Variants in MCF2L observed in about 807,000 individuals in gnomAD.
The protein encoded by MCF2L is guanine nucleotide exchange factor DBS.
A neutral mutation model predicts 153.4 loss-of-function variants in MCF2L; 97 were observed. The ratio of observed to expected loss-of-function variants is 0.63; its 90% confidence interval spans 0.54 to 0.75. MCF2L has a LOEUF of 0.75. Among genes scored for constraint, MCF2L ranks in the 30% least tolerant of loss-of-function variants. MCF2L has a pLI of 0.00. For missense variants in MCF2L, 1,347 were observed against 1,495.2 expected (o/e 0.90, Z 1.64); for synonymous variants, 659 against 632.2 (o/e 1.04, Z -0.64).
chr13:113,074,959 A>C lies in MCF2L; in HGVS notation c.1117-39A>C. ...GCAAGGCACTGTGTGCCTCGAACAG[A>C]AAGAGGCCTGAGCTGGTCCTCTGGG... is the stretch of plus-strand genomic sequence containing the variant. On this transcript the variant is annotated intron_variant, in intron 10 of 29. Transcript: ENST00000535094. The surrounding 1 kb of genome is among the most constrained non-coding windows in gnomAD (Gnocchi z 4.2). The C allele has an allele frequency of 6.4e-7, 1 of 1,552,334 alleles. No individual in the cohort carries two copies. Among genetic ancestry groups the C allele is most frequent in the South Asian group, 1.2e-5 (1 of 85,624 alleles).
intron 3 of MCF2L, chr13:113,026,810 G>C (rs1045001070): frequency 4.8e-6 from 3 of 625,176 alleles, no homozygotes; most frequent in African/African-American, 3.7e-5. Context: ...TTTTGTTCCA[G>C]ACAGAGCTGG....
intron 1 of MCF2L, among the ~76,000 whole-genome samples, chr13:112,996,697 C>T (rs2083149265): frequency 6.6e-6 from 1 of 152,234 alleles, no homozygotes; most frequent in African/African-American, 2.4e-5. Context: ...GACTGTCGTC[C>T]TCAGATGGGT....
In MCF2L at chr13:113,032,413, A is replaced by G. The variant is rs534505964; in HGVS notation, c.278+7655A>G. On this transcript the variant is annotated intron_variant, in intron 3 of 29. Coordinates refer to ENST00000535094, the MANE Select transcript of MCF2L (RefSeq NM_001112732.3). ...CTCCTGCTTCCCTCCCCCACAGCTA[A>G]CTGTGGAGCTGCACTGGGGTGACAC... is the stretch of plus-strand genomic sequence containing the variant. Among the ~76,000 whole-genome samples the G allele has an allele frequency of 6.3e-4, 96 of 152,330 alleles. 1 individual carries two copies. Among genetic ancestry groups the G allele is most frequent in the Non-Finnish European group, 1.2e-3 (81 of 68,036 alleles).
intron 11 of MCF2L, 129 bp from the exon 12 acceptor site, chr13:113,075,837 G>A: frequency 1.5e-6 from 1 of 686,272 alleles, no homozygotes; most frequent in East Asian, 2.8e-5. Context: ...TTTGGACAGG[G>A]TGGCGGGAGC....
intron 26 of MCF2L, chr13:113,090,432 T>TGG: frequency 1.9e-6 from 1 of 533,198 alleles, no homozygotes; most frequent in Non-Finnish European, 2.4e-6. Context: ...CTCCTTCCTC[T>TGG]CCCTGCCCCC....
chr13:113,011,921 C>CGGTGGACAGGCGGTGTGGAT lies in MCF2L; in HGVS notation c.80-2822_80-2803dup, dbSNP rs1460001547. 1.1e-3 allele frequency among the ~76,000 whole-genome samples: 104 copies of CGGTGGACAGGCGGTGTGGAT among 91,888 alleles called. 6 individuals carry two copies. The highest frequency in any genetic ancestry group is 4.0e-3 in the African/African-American group (96 of 24,082). 60.3% of individuals were successfully genotyped at this position (91,888 alleles called of 152,430 possible). Reference sequence around the variant, plus strand: ...TGGACGGTGGACACTGTGATGCGGACGGTGGACAGGCGGTGTGGATGGTGG... The same window carrying CGGTGGACAGGCGGTGTGGAT: ...TGGACGGTGGACACTGTGATGCGGACGGTGGACAGGCGGTGTGGATGGTGGACAGGCGGTGTGGATGGTGG... On this transcript the variant is annotated intron_variant, in intron 1 of 29. Transcript: ENST00000535094.
At chr13:112,953,576 A>G (rs1433542209) in intron 2 of MCF2L, among the ~76,000 whole-genome samples, 2 of 152,260 alleles carry the variant, frequency 1.3e-5, no homozygotes, top group African/African-American at 4.8e-5. Flanking sequence ...AGGGTCAGGC[A>G]GAAAGCAGGG....
intron 3 of MCF2L, among the ~76,000 whole-genome samples, chr13:113,032,056 G>A (rs74115748): frequency 0.016 from 2,395 of 152,302 alleles, 65 homozygotes; most frequent in African/African-American, 0.055. Flanking sequence ...TATGGGGAGG[G>A]TGCATGTGGG....
In MCF2L at chr13:113,006,193, C is replaced by A. The variant is rs1180431053; in HGVS notation, c.80-8570C>A. On this transcript the variant is annotated intron_variant, in intron 1 of 29. Transcript: ENST00000535094. ...CCCAGCCCCTCTGCGAGAGCCTCTCCATAGCCTCGCTGTTGAGCCCGTGGC... is the reference window on the plus strand; with the variant it reads ...CCCAGCCCCTCTGCGAGAGCCTCTCAATAGCCTCGCTGTTGAGCCCGTGGC... Among the ~76,000 whole-genome samples the A allele has an allele frequency of 2.0e-5, 3 of 152,216 alleles. 1 individual carries two copies. The highest frequency in any genetic ancestry group is 4.4e-5 in the Non-Finnish European group (3 of 68,048).
intron 5 of MCF2L, among the ~76,000 whole-genome samples, chr13:113,063,351 T>C (rs1435793266): frequency 6.8e-6 from 1 of 147,872 alleles, no homozygotes; most frequent in East Asian, 2.0e-4. Flanking sequence ...CACCCCTGCC[T>C]GCACAGCCGC....
At chr13:112,917,919 G>A (rs1381084121) in intron 2 of MCF2L, among the ~76,000 whole-genome samples, 2 of 152,292 alleles carry the variant, frequency 1.3e-5, no homozygotes, top group East Asian at 3.9e-4. Context: ...GCGTCCCCAG[G>A]TGAACTCAGT....
intron 16 of MCF2L, among the ~76,000 whole-genome samples, chr13:113,081,626 C>T (rs924069852): frequency 1.1e-4 from 16 of 152,248 alleles, no homozygotes; most frequent in African/African-American, 2.4e-4. Context: ...CAAAACTCGT[C>T]GGAGGTGGGA....
intron 1 of MCF2L, among the ~76,000 whole-genome samples, chr13:112,998,136 G>A (rs537698418): frequency 6.6e-6 from 1 of 152,240 alleles, no homozygotes; most frequent in Non-Finnish European, 1.5e-5. Flanking sequence ...CGTGCACAGC[G>A]CAGCTCCTAG....
At chr13:112,922,494 G>A (rs544870214) in intron 2 of MCF2L, among the ~76,000 whole-genome samples, 7 of 151,256 alleles carry the variant, frequency 4.6e-5, no homozygotes, top group Admixed American at 2.0e-4. Context: ...TCATTTCTCA[G>A]CATTGAAGTA....
chr13:113,090,134 G>A (rs909171462), intron 26 of MCF2L: 73 of 1,544,422 alleles, frequency 4.7e-5, no homozygotes, highest in Non-Finnish European at 5.9e-5. Context: ...ACCCTGCAGG[G>A]TTTTGCTAAC....
At chr13:112,981,914 G>A (rs538525726) in intron 1 of MCF2L, among the ~76,000 whole-genome samples, 2 of 152,360 alleles carry the variant, frequency 1.3e-5, no homozygotes, top group South Asian at 4.1e-4. Context: ...CCCAGGATGT[G>A]CGTCTCCGAT....
chr13:112,911,573 C>T (rs746177033), intron 2 of MCF2L, among the ~76,000 whole-genome samples: 2 of 152,320 alleles, frequency 1.3e-5, no homozygotes, highest in Non-Finnish European at 2.9e-5. Flanking sequence ...ACCTGGGCCC[C>T]GGGCCTCACC....
In MCF2L at chr13:113,045,500, G is replaced by A. The variant is rs1212098015; in HGVS notation, c.369+139G>A. 27 of 729,578 alleles carry A rather than the reference G, an allele frequency of 3.7e-5. No homozygotes were observed. The highest frequency in any genetic ancestry group is 1.8e-4 in the Admixed American group (8 of 43,358). 45.2% of individuals were successfully genotyped at this position (729,578 alleles called of 1,614,324 possible). ...AGCCCAGTCCCGGCGGGTGGAGGCC[G>A]GCGCCAAGGCCCCCCCTGCTTGGGC... On this transcript the variant is annotated intron_variant, in intron 4 of 29. Coordinates refer to ENST00000535094, the MANE Select transcript of MCF2L (RefSeq NM_001112732.3). The surrounding 1 kb of genome is among the most constrained non-coding windows in gnomAD (Gnocchi z 4.2).
intron 5 of MCF2L, among the ~76,000 whole-genome samples, chr13:113,062,978 C>T (rs1056359280): frequency 2.0e-5 from 3 of 152,180 alleles, no homozygotes; most frequent in Admixed American, 1.3e-4. Context: ...ACAATGACCG[C>T]GGGGTATTTT....
Sources: allele counts gnomAD v4.1 joint callset (sites outside exome capture counted in the v4.1 genomes callset), GRCh38; gene constraint gnomAD v4.1.1; non-coding constraint Gnocchi (gnomAD v3.1); transcripts MANE v1.5; gene names NCBI Gene and HGNC (gene_info 2026-07-23, HGNC 2026-07-21).